The following ATOSA variants were observed in gnomAD, a reference collection of about 807,000 sequenced individuals.
ATOSA encodes atos homolog A, also known as atos homolog protein A.
chr15:52,671,750 A>G, the ATOSA span, among the ~76,000 whole-genome samples: 2 of 152,086 alleles, frequency 1.3e-5, no homozygotes, highest in African/African-American at 2.4e-5. Context: ...GTTAAGTTCT[A>G]TAACAAAAGA....
chr15:52,656,610 G>T, the ATOSA span: 1 of 152,004 alleles, frequency 6.6e-6, no homozygotes, highest in African/African-American at 2.4e-5. Context: ...TAAGATCTTG[G>T]AAAGAAGAAA....
chr15:52,686,325 A>G, the ATOSA span, among the ~76,000 whole-genome samples: 7 of 152,258 alleles, frequency 4.6e-5, no homozygotes, highest in Non-Finnish European at 1.0e-4. Context: ...AAGTAGATAT[A>G]AACAGCAGCA....
chr15:52,650,398 G>C, the ATOSA span, among the ~76,000 whole-genome samples: 1 of 152,146 alleles, frequency 6.6e-6, no homozygotes, highest in African/African-American at 2.4e-5. Context: ...AGAAATGCCA[G>C]TCTTTTAAAC....
At chr15:52,656,707 C>A in the ATOSA span, 1 of 152,036 alleles carries the variant, frequency 6.6e-6, no homozygotes, top group Non-Finnish European at 1.5e-5. Context: ...AGCTACTGGA[C>A]AAACACTTCA....
At chr15:52,610,510 A>T in the ATOSA span, 1 of 892,888 alleles carries the variant, frequency 1.1e-6, no homozygotes, top group Non-Finnish European at 1.6e-6. Context: ...ACTGAGGTTT[A>T]CTTTTAGCCA....
chr15:52,613,634 T>G, the ATOSA span: 1 of 1,576,160 alleles, frequency 6.3e-7, no homozygotes, highest in Non-Finnish European at 8.7e-7. Flanking sequence ...TAAACTAGTT[T>G]ATATAAAAGA....
chr15:52,638,649 T>C, the ATOSA span, among the ~76,000 whole-genome samples: 18,990 of 145,516 alleles, frequency 0.13, 1,435 homozygotes, highest in African/African-American at 0.22. Flanking sequence ...TGCAGTGAGT[T>C]AAGATCGCAC....
the ATOSA span, among the ~76,000 whole-genome samples, chr15:52,625,632 G>A: frequency 6.6e-6 from 1 of 151,352 alleles, no homozygotes; most frequent in Non-Finnish European, 1.5e-5. Flanking sequence ...TCTCTGCTCT[G>A]CATCTACACA....
chr15:52,648,341 G>C, the ATOSA span, among the ~76,000 whole-genome samples: 84,118 of 151,748 alleles, frequency 0.55, 27,246 homozygotes, highest in Non-Finnish European at 0.72. Flanking sequence ...TTTATTTATT[G>C]ATATACCACA....
At chr15:52,637,810 G>A in the ATOSA span, among the ~76,000 whole-genome samples, 1 of 152,122 alleles carries the variant, frequency 6.6e-6, no homozygotes, top group South Asian at 2.1e-4. Context: ...TATTATTATA[G>A]TATTGCTATT....
chr15:52,624,163 T>G, the ATOSA span, among the ~76,000 whole-genome samples: 1 of 152,234 alleles, frequency 6.6e-6, no homozygotes, highest in Admixed American at 6.5e-5. Context: ...TTATCCATCT[T>G]GAATCCTAAT....
the ATOSA span, among the ~76,000 whole-genome samples, chr15:52,676,436 A>C: frequency 2.6e-5 from 4 of 152,182 alleles, no homozygotes; most frequent in Non-Finnish European, 5.9e-5. Context: ...AGTAAGGGTA[A>C]GTACGTTTGT....
At chr15:52,652,166 A>G in the ATOSA span, 1 of 939,898 alleles carries the variant, frequency 1.1e-6, no homozygotes, top group Non-Finnish European at 1.4e-6. Context: ...TCTACTTGGC[A>G]GCACTGTCAT....
At chr15:52,674,647 A>G in the ATOSA span, among the ~76,000 whole-genome samples, 7 of 152,170 alleles carry the variant, frequency 4.6e-5, no homozygotes, top group African/African-American at 1.4e-4. Flanking sequence ...TTCTCAGATA[A>G]CTATATATTA....
the ATOSA span, chr15:52,590,891 T>C: frequency 1.3e-5 from 2 of 152,188 alleles, no homozygotes; most frequent in African/African-American, 4.8e-5. Flanking sequence ...GAAAAGAAAG[T>C]CAGAGTTTCT....
chr15:52,584,614 T>C, the ATOSA span: 1 of 722,168 alleles, frequency 1.4e-6, no homozygotes, highest in Non-Finnish European at 2.2e-6. Context: ...TCTTGGCACA[T>C]CATCAAGAGT....
At chr15:52,622,359 A>G in the ATOSA span, among the ~76,000 whole-genome samples, 1 of 152,198 alleles carries the variant, frequency 6.6e-6, no homozygotes, top group Admixed American at 6.5e-5. Flanking sequence ...GAGTTGAGGC[A>G]TCTGAGAATG....
At chr15:52,698,763 T>C in the ATOSA span, among the ~76,000 whole-genome samples, 2 of 152,214 alleles carry the variant, frequency 1.3e-5, no homozygotes, top group Non-Finnish European at 2.9e-5. Flanking sequence ...CAGAAAATGT[T>C]GTATAATTTT....
the ATOSA span, among the ~76,000 whole-genome samples, chr15:52,646,921 T>A: frequency 0.016 from 1,573 of 96,606 alleles, 25 homozygotes; most frequent in African/African-American, 0.039. Flanking sequence ...CGTACAGCAA[T>A]CATTCTGTTT....
Sources: allele counts gnomAD v4.1 joint callset (sites outside exome capture counted in the v4.1 genomes callset), GRCh38; gene constraint gnomAD v4.1.1; transcripts MANE v1.5; gene names NCBI Gene and HGNC (gene_info 2026-07-23, HGNC 2026-07-21).